The following SYN3 variants were observed in gnomAD, a reference collection of about 807,000 sequenced individuals.
The protein encoded by SYN3 is synapsin III, also known as synapsin-3.
Under a neutral mutation model 65.8 loss-of-function variants are expected in SYN3, and 35 were observed. The observed-to-expected ratio is 0.53, with a 90% CI of 0.41 to 0.70. The LOEUF is 0.70. Ranked by LOEUF, SYN3 falls within the 30% of genes least tolerant of loss-of-function variation. The pLI, the probability that SYN3 is intolerant of heterozygous loss-of-function variation, is 0.00. For synonymous variants in SYN3, 270 were observed against 292.9 expected (o/e 0.92, Z 0.80); for missense variants, 680 against 749.0 (o/e 0.91, Z 1.08).
intron 6 of SYN3, among the ~76,000 whole-genome samples, chr22:32,599,407 C>T (rs566258117): frequency 5.3e-5 from 8 of 151,870 alleles, no homozygotes; most frequent in East Asian, 1.9e-4. Context: ...GTGCAAGCTC[C>T]GCCTCCCGGG....
intron 9 of SYN3, among the ~76,000 whole-genome samples, chr22:32,536,264 G>A (rs1031469837): frequency 1.2e-4 from 18 of 152,222 alleles, no homozygotes; most frequent in East Asian, 3.9e-4. Flanking sequence ...GGTCATGAGC[G>A]CAGCCTCCAA....
chr22:32,862,332 C>T (rs1393610540), intron 6 of SYN3: 1 of 152,246 alleles, frequency 6.6e-6, no homozygotes, highest in Admixed American at 6.5e-5. Flanking sequence ...GGCCAGTGCT[C>T]TGCTCTGTCC....
intron 4 of SYN3, among the ~76,000 whole-genome samples, chr22:32,917,912 G>A (rs1026526603): frequency 6.6e-6 from 1 of 152,218 alleles, no homozygotes; most frequent in Non-Finnish European, 1.5e-5. Context: ...TGCTTTCTCC[G>A]GCAGTGGCAA....
intron 3 of SYN3, among the ~76,000 whole-genome samples, chr22:32,971,611 G>A (rs765406323): frequency 1.3e-5 from 2 of 152,210 alleles, no homozygotes; most frequent in Non-Finnish European, 2.9e-5. Flanking sequence ...AAAGCATTCT[G>A]TGCAGGATGG....
At chr22:33,055,695 A>G (rs2054243496) in intron 1 of SYN3, among the ~76,000 whole-genome samples, 1 of 152,242 alleles carries the variant, frequency 6.6e-6, no homozygotes. Context: ...GGCCTTTCCA[A>G]GAAGGTTATA....
chr22:33,029,852 T>A (rs2053718120), intron 1 of SYN3, among the ~76,000 whole-genome samples: 1 of 152,176 alleles, frequency 6.6e-6, no homozygotes. Flanking sequence ...CTTCTTGGGC[T>A]TCAAACTTAG....
intron 4 of SYN3, among the ~76,000 whole-genome samples, chr22:32,903,371 C>T (rs2049815186): frequency 6.6e-6 from 1 of 152,114 alleles, no homozygotes; most frequent in Middle Eastern, 3.4e-3. Context: ...TAAAAAATAC[C>T]CATCTAACAA....
intron 6 of SYN3, among the ~76,000 whole-genome samples, chr22:32,651,564 T>TTGAATGAATGAA (rs143229085): frequency 0.057 from 8,559 of 151,026 alleles, 247 homozygotes; most frequent in East Asian, 0.12. Flanking sequence ...GGATGCATGC[T>TTGAATGAATGAA]TGAATGAATG....
chr22:32,857,423 G>A (rs1181397961), intron 6 of SYN3: 4 of 1,235,696 alleles, frequency 3.2e-6, no homozygotes, highest in Non-Finnish European at 4.8e-6. Flanking sequence ...CTTGACTTCA[G>A]AAGAACACAT....
Position 32,904,530 on chromosome 22 carries a change from T to C in SYN3, c.461+26860A>G, listed in dbSNP as rs753978816. Reference sequence around the variant, plus strand: ...TGTGTTAGACCACCAAGTTTTTTGTTTTTTTTTTTCATAACAGATAGCCTG... The same window carrying C: ...TGTGTTAGACCACCAAGTTTTTTGTCTTTTTTTTTCATAACAGATAGCCTG... On this transcript the variant is annotated intron_variant, in intron 4 of 13. Transcript: ENST00000358763. Among the ~76,000 whole-genome samples, 70 of 151,126 alleles carry C rather than the reference T, an allele frequency of 4.6e-4. 1 individual carries two copies. Among genetic ancestry groups the C allele is most frequent in the Non-Finnish European group, 3.5e-4 (24 of 67,764 alleles).
intron 7 of SYN3, among the ~76,000 whole-genome samples, chr22:32,582,878 C>G (rs375393114): frequency 6.6e-6 from 1 of 152,192 alleles, no homozygotes; most frequent in African/African-American, 2.4e-5. Context: ...AGGTCCTTCT[C>G]TTCAGCTGTT....
At chr22:32,961,411 G>T (rs1045344432) in intron 3 of SYN3, among the ~76,000 whole-genome samples, 2 of 152,118 alleles carry the variant, frequency 1.3e-5, no homozygotes, top group African/African-American at 4.8e-5. Context: ...GTAAAGTAGG[G>T]CTCTAAGGAG....
In SYN3 at chr22:32,518,341, G is replaced by T; in HGVS notation, c.1319-7C>A. 6.2e-7 allele frequency: 1 copy of T among 1,609,162 alleles called. No individual in the cohort carries two copies. The highest frequency in any genetic ancestry group is 8.5e-7 in the Non-Finnish European group (1 of 1,178,138). On this transcript the variant is annotated splice_region_variant and splice_polypyrimidine_tract_variant and intron_variant, in intron 12 of 13. Transcript: ENST00000358763. ...TGAGCTTGGCGAGGGCCTCCTAAGG[G>T]GCCAGAAAAAAAAAGGTTCAGTTCA...
chr22:32,513,417 G>A lies in SYN3; in HGVS notation c.*275C>T, dbSNP rs1202681720. The A allele has an allele frequency of 2.2e-5, 7 of 318,350 alleles. No individual in the cohort carries two copies. The highest frequency in any genetic ancestry group is 2.3e-5 in the Non-Finnish European group (4 of 173,250). The allele number at this position is 318,350 out of a possible 1,614,324, so 19.7% of individuals were successfully genotyped here. On this transcript the variant is annotated 3_prime_UTR_variant, in exon 14 of 14. Transcript: ENST00000358763. ...TTATCTGGCAGGTAAGCAGGCACGT[G>A]GGTAGGCAGAGGGTGTGATGCCCAT...
intron 1 of SYN3, among the ~76,000 whole-genome samples, chr22:33,008,973 AG>A (rs1165583655): frequency 2.1e-4 from 31 of 145,030 alleles, no homozygotes; most frequent in East Asian, 6.2e-4. Context: ...AGAGAGAGAG[AG>A]AAAAGAAAAA....
chr22:32,804,178 C>G (rs1028486196), intron 6 of SYN3, among the ~76,000 whole-genome samples: 1 of 152,356 alleles, frequency 6.6e-6, no homozygotes, highest in Non-Finnish European at 1.5e-5. Flanking sequence ...ATCTTCGATG[C>G]TCTGGCACGG....
intron 6 of SYN3, among the ~76,000 whole-genome samples, chr22:32,843,457 G>A (rs1047161891): frequency 3.9e-5 from 6 of 152,200 alleles, no homozygotes; most frequent in South Asian, 2.1e-4. Flanking sequence ...CTTGCTTGGC[G>A]GGCTCCAGGC....
At chr22:32,995,326 T>A (rs1412873748) in intron 2 of SYN3, among the ~76,000 whole-genome samples, 1 of 152,226 alleles carries the variant, frequency 6.6e-6, no homozygotes, top group Non-Finnish European at 1.5e-5. Flanking sequence ...ATCCAGGACA[T>A]CCAAATTTTC....
chr22:32,975,913 T>C (rs2052170751), intron 3 of SYN3, among the ~76,000 whole-genome samples: 1 of 152,230 alleles, frequency 6.6e-6, no homozygotes, highest in South Asian at 2.1e-4. Flanking sequence ...CACTTCTCTA[T>C]CTTGTTGACA....
Sources: gnomAD v4.1 joint callset for allele counts (sites outside exome capture counted in the v4.1 genomes callset) on GRCh38, gnomAD v4.1.1 for gene constraint, MANE v1.5 for transcripts, NCBI Gene and HGNC (gene_info 2026-07-23, HGNC 2026-07-21) for gene names.